The following XXYLT1 variants were observed in gnomAD, a reference collection of about 807,000 sequenced individuals.
The protein encoded by XXYLT1 is xyloside xylosyltransferase 1.
Under a neutral mutation model 28.9 loss-of-function variants are expected in XXYLT1, and 20 were observed. The observed-to-expected ratio is 0.69, with a 90% CI of 0.49 to 1.00. The LOEUF (loss-of-function observed/expected upper bound fraction) is 1.00. Among genes scored for constraint, XXYLT1 ranks in the 50% least tolerant of loss-of-function variants. XXYLT1 has a pLI of 0.00. For missense variants in XXYLT1, 542 were observed against 560.1 expected (o/e 0.97, Z 0.33); for synonymous variants, 257 against 253.8 (o/e 1.01, Z -0.12).
At chr3:195,175,873 A>C (rs1721641397) in intron 2 of XXYLT1, 3 of 1,416,282 alleles carry the variant, frequency 2.1e-6, no homozygotes, top group Non-Finnish European at 2.8e-6. Context: ...CAATGCATCC[A>C]GTGTGACATT....
intron 3 of XXYLT1, among the ~76,000 whole-genome samples, chr3:195,110,624 GTGTGTGGTGTGTGATGTA>G (rs879523836): frequency 0.036 from 572 of 15,998 alleles, no homozygotes; most frequent in East Asian, 0.06. Flanking sequence ...TGTGTGGTGT[GTGTGTGGTGTGTGATGTA>G]TAAGTGTGTG....
rs543623811 is a variant in XXYLT1, at chr3:195,215,666, A to C, written c.652+11043T>G. ...ACCCAATACAGGAGCACCAAGATTC[A>C]TAAAGCAAGTCCTGAGTGACCTACA... On this transcript the variant is annotated intron_variant, in intron 2 of 3. Transcript: ENST00000310380. 9.5e-3 allele frequency among the ~76,000 whole-genome samples: 1,434 copies of C among 150,368 alleles called. 26 individuals carry two copies. Among genetic ancestry groups the C allele is most frequent in the African/African-American group, 0.033 (1,362 of 40,794 alleles).
chr3:195,228,573 C>T (rs1330678132), intron 1 of XXYLT1, among the ~76,000 whole-genome samples: 1 of 150,096 alleles, frequency 6.7e-6, no homozygotes, highest in Non-Finnish European at 1.5e-5. Flanking sequence ...CTCACTGACA[C>T]CGCCTCCCGG....
chr3:195,240,052 T>G lies in XXYLT1; in HGVS notation c.505-13196A>C, dbSNP rs1002278128. 6.6e-6 allele frequency among the ~76,000 whole-genome samples: 1 copy of G among 152,262 alleles called. No homozygotes were observed. Among genetic ancestry groups the G allele is most frequent in the Admixed American group, 6.5e-5 (1 of 15,292 alleles). On this transcript the variant is annotated intron_variant, in intron 1 of 3. Coordinates refer to ENST00000310380, the MANE Select transcript of XXYLT1 (RefSeq NM_152531.5). This position sits in a 1 kb window ranked among gnomAD's most constrained non-coding sequence, Gnocchi z 4.7. The stretch of plus-strand genomic sequence containing the variant: ...TAAATTTCTCTGCCTACTTTTATTT[T>G]TAATTACTTCTGCATCTAAATTCAG...
chr3:195,260,336 G>A (rs112481051), intron 1 of XXYLT1, among the ~76,000 whole-genome samples: 4 of 151,872 alleles, frequency 2.6e-5, no homozygotes, highest in East Asian at 3.9e-4. Flanking sequence ...CTCTCCAGAC[G>A]GGGGGCCCCG....
intron 1 of XXYLT1, among the ~76,000 whole-genome samples, chr3:195,244,655 G>A (rs1296342577): frequency 1.4e-5 from 2 of 147,602 alleles, no homozygotes; most frequent in Non-Finnish European, 3.0e-5. Flanking sequence ...CCAGCTACTC[G>A]GGAGGCTGAG....
At chr3:195,089,055 G>A (rs1471162458) in intron 3 of XXYLT1, among the ~76,000 whole-genome samples, 6 of 151,924 alleles carry the variant, frequency 3.9e-5, no homozygotes, top group South Asian at 2.1e-4. Flanking sequence ...TCTGATTGGT[G>A]TACCTGAAAG....
chr3:195,260,214 G>A (rs1036349042), intron 1 of XXYLT1: 3 of 150,568 alleles, frequency 2.0e-5, no homozygotes, highest in South Asian at 2.1e-4. Flanking sequence ...GGCGCCCCCA[G>A]GCGGCCGCGC....
intron 3 of XXYLT1, among the ~76,000 whole-genome samples, chr3:195,112,576 C>G (rs1249449389): frequency 1.4e-5 from 2 of 147,404 alleles, no homozygotes; most frequent in Admixed American, 6.7e-5. Context: ...AGTGCACACA[C>G]ACGCACGCAC....
chr3:195,185,085 AGAAGGAAG>A (rs10575198), intron 2 of XXYLT1, among the ~76,000 whole-genome samples: 17,845 of 99,690 alleles, frequency 0.18, 1,785 homozygotes, highest in Non-Finnish European at 0.21. Flanking sequence ...GAAAGAAGGA[AGAAGGAAG>A]GAAGGAAGGA....
chr3:195,187,110 C>T (rs936350953), intron 2 of XXYLT1, among the ~76,000 whole-genome samples: 58 of 150,864 alleles, frequency 3.8e-4, no homozygotes, highest in Non-Finnish European at 1.6e-4. Context: ...TGGTGGCGGG[C>T]GCCTGTAGTC....
intron 3 of XXYLT1, among the ~76,000 whole-genome samples, chr3:195,107,572 G>GGGGGAGGAGGAA: frequency 5.1e-5 from 1 of 19,670 alleles, no homozygotes; most frequent in African/African-American, 2.4e-4. Context: ...GAGAGGAGGA[G>GGGGGAGGAGGAA]GGGGAGGAGG....
intron 1 of XXYLT1, chr3:195,259,565 T>C (rs1285149519): frequency 4.1e-6 from 4 of 985,388 alleles, no homozygotes; most frequent in Non-Finnish European, 4.8e-6. Context: ...GGGAGAGGCC[T>C]CCCGCCCCAG....
At chr3:195,203,874 G>A (rs1001517219) in intron 2 of XXYLT1, among the ~76,000 whole-genome samples, 2 of 152,220 alleles carry the variant, frequency 1.3e-5, no homozygotes, top group South Asian at 2.1e-4. Flanking sequence ...AGGCTGAGAC[G>A]AAGGTGGGGG....
Position 195,124,147 on chromosome 3 carries a change from G to A in XXYLT1, c.785+32302C>T, listed in dbSNP as rs1718501562. Reference sequence around the variant, plus strand: ...ACACATTCTGGGATTGGTGTTCCATGGAACTCACCTCGAGAAGTGTGGGTC... The same window carrying A: ...ACACATTCTGGGATTGGTGTTCCATAGAACTCACCTCGAGAAGTGTGGGTC... On this transcript the variant is annotated intron_variant, in intron 3 of 3. Coordinates refer to ENST00000310380, the MANE Select transcript of XXYLT1 (RefSeq NM_152531.5). The surrounding 1 kb of genome is among the most constrained non-coding windows in gnomAD (Gnocchi z 4.1). Among the ~76,000 whole-genome samples the A allele has an allele frequency of 2.0e-5, 3 of 152,214 alleles. No homozygotes were observed. The highest frequency in any genetic ancestry group is 4.4e-5 in the Non-Finnish European group (3 of 68,044).
In XXYLT1 at chr3:195,179,455, G is replaced by A. The variant is rs141477933; in HGVS notation, c.653-22874C>T. 3.3e-3 allele frequency among the ~76,000 whole-genome samples: 498 copies of A among 151,888 alleles called. 3 individuals are homozygous for A. The highest frequency in any genetic ancestry group is 5.2e-3 in the Non-Finnish European group (355 of 67,988). On this transcript the variant is annotated intron_variant, in intron 2 of 3. Coordinates refer to ENST00000310380, the MANE Select transcript of XXYLT1 (RefSeq NM_152531.5). ...AACTCCCTTAACTCCACTAAAAACT[G>A]CAGTGTTCAATACTCTGACCAGAAA...
At chr3:195,159,135 G>C (rs1038689316) in intron 2 of XXYLT1, among the ~76,000 whole-genome samples, 11 of 152,184 alleles carry the variant, frequency 7.2e-5, no homozygotes, top group Non-Finnish European at 1.6e-4. Context: ...GAATCATGAG[G>C]AAGAATGAGA....
At chr3:195,251,349 C>T (rs1240496276) in intron 1 of XXYLT1, among the ~76,000 whole-genome samples, 6 of 152,234 alleles carry the variant, frequency 3.9e-5, no homozygotes, top group African/African-American at 7.2e-5. Context: ...ACAGGGAAGG[C>T]GGGGCCCAGC....
chr3:195,140,418 C>A (rs951889288), intron 3 of XXYLT1, among the ~76,000 whole-genome samples: 1 of 152,178 alleles, frequency 6.6e-6, no homozygotes, highest in Admixed American at 6.5e-5. Flanking sequence ...GCATGTATGG[C>A]CCCCACCCAA....
Sources: gnomAD v4.1 joint callset for allele counts (sites outside exome capture counted in the v4.1 genomes callset) on GRCh38, gnomAD v4.1.1 for gene constraint, Gnocchi (gnomAD v3.1) non-coding constraint, MANE v1.5 for transcripts, NCBI Gene and HGNC (gene_info 2026-07-23, HGNC 2026-07-21) for gene names.